Variants in SNX9 observed in about 807,000 individuals in gnomAD.
SNX9 encodes sorting nexin-9.
SNX9 carries 44 observed loss-of-function variants against 89.4 expected under a neutral mutation model. The observed-to-expected ratio is 0.49, with a 90% CI of 0.39 to 0.63. The LOEUF (loss-of-function observed/expected upper bound fraction) is 0.63, where lower values mean the gene tolerates loss of function less well. Ranked by LOEUF, SNX9 falls within the 30% of genes least tolerant of loss-of-function variation. The pLI is 0.00. For synonymous variants in SNX9, 236 were observed against 247.8 expected, an observed-to-expected ratio of 0.95 and a Z score of 0.45; for missense variants, 578 against 736.1, an observed-to-expected ratio of 0.79 and a Z score of 2.49.
chr6:157,875,310 G>A, intron 4 of SNX9, 134 bp downstream of exon 4: 1 of 1,239,472 alleles, frequency 8.1e-7, no homozygotes, highest in Non-Finnish European at 1.1e-6. Flanking sequence ...GTTGTTCTGT[G>A]GCATTTCTGT....
intron 1 of SNX9, among the ~76,000 whole-genome samples, chr6:157,846,041 G>C (rs1264563531): frequency 6.6e-6 from 1 of 152,218 alleles, no homozygotes; most frequent in Non-Finnish European, 1.5e-5. Context: ...TCTGGTGAGA[G>C]GCGCCCGTCC....
chr6:157,893,144 TAAAG>T (rs574049071), intron 4 of SNX9, among the ~76,000 whole-genome samples: 83 of 152,296 alleles, frequency 5.4e-4, no homozygotes, highest in Non-Finnish European at 1.0e-3. Context: ...TACATTTCCT[TAAAG>T]AAAACTGTAG....
rs768148493 is a variant in SNX9 at position 157,938,694 on chromosome 6, A to G, written c.1595A>G (p.Gln532Arg). The stretch of plus-strand genomic sequence containing the variant: ...GTTGCAACAAGTAAAATCACCCTAC[A>G]AGACAAACAGAACATGGTGAAGAGA... ...KLVATSKITL[Q>R]DKQNMVKRVS... Residue 532 changes from glutamine to arginine, a missense_variant, in exon 16 of 18, where the codon CAA (glutamine) becomes CGA (arginine). Gln to Arg is a conservative substitution (Grantham distance 43). This residue lies in a region of SNX9 where 348 missense variants were observed against 491.4 expected (regional missense o/e 0.71). Coordinates refer to ENST00000392185, the MANE Select transcript of SNX9 (RefSeq NM_016224.5). The G allele has an allele frequency of 1.2e-6, 2 of 1,614,164 alleles. No homozygotes were observed. Among genetic ancestry groups the G allele is most frequent in the East Asian group, 4.5e-5 (2 of 44,876 alleles).
intron 4 of SNX9, among the ~76,000 whole-genome samples, chr6:157,882,458 T>C (rs1782646749): frequency 6.6e-6 from 1 of 152,222 alleles, no homozygotes; most frequent in Non-Finnish European, 1.5e-5. Flanking sequence ...CTAAGTCCTA[T>C]AAGAAATACA....
At chr6:157,857,180 C>T (rs999063309) in intron 1 of SNX9, among the ~76,000 whole-genome samples, 8 of 152,076 alleles carry the variant, frequency 5.3e-5, no homozygotes, top group Non-Finnish European at 1.0e-4. Flanking sequence ...GGTCATTATC[C>T]CTATTGATGC....
intron 17 of SNX9, 124 bp from the exon 18 acceptor site, chr6:157,942,667 A>G (rs1784066458): frequency 7.6e-6 from 8 of 1,052,620 alleles, no homozygotes; most frequent in Non-Finnish European, 9.8e-6. Context: ...GCTGGTGCCA[A>G]AAAGACCAGT....
intron 1 of SNX9, among the ~76,000 whole-genome samples, chr6:157,830,753 A>G (rs1583188069): frequency 6.6e-6 from 1 of 152,190 alleles, no homozygotes; most frequent in Non-Finnish European, 1.5e-5. Context: ...TGGCTACTTT[A>G]TAGGTGAGTG....
intron 1 of SNX9, among the ~76,000 whole-genome samples, chr6:157,864,072 A>G (rs928533529): frequency 1.3e-5 from 2 of 152,192 alleles, no homozygotes; most frequent in South Asian, 4.1e-4. Context: ...TAACTTATAA[A>G]GAACAGAATT....
At chr6:157,873,893 A>G (rs893471753) in intron 3 of SNX9, among the ~76,000 whole-genome samples, 2 of 151,924 alleles carry the variant, frequency 1.3e-5, no homozygotes, top group South Asian at 2.1e-4. Flanking sequence ...TGCCTGGGAC[A>G]CCCCCAAGCT....
At chr6:157,914,170 TC>T (rs1219776462) in intron 9 of SNX9, among the ~76,000 whole-genome samples, 6 of 152,194 alleles carry the variant, frequency 3.9e-5, no homozygotes, top group Non-Finnish European at 8.8e-5. Context: ...TGTCAGTTTT[TC>T]CTCATTTTAA....
intron 1 of SNX9, chr6:157,829,362 C>A (rs1781440314): frequency 6.6e-6 from 1 of 152,068 alleles, no homozygotes; most frequent in Non-Finnish European, 1.5e-5. Context: ...GATCAGGGAG[C>A]CTAATTAAAA....
Position 157,885,099 on chromosome 6 carries a change from T to C in SNX9, c.300+9923T>C, listed in dbSNP as rs1042128087. ...TCTAAGCTAATACAAACATTATCCA[T>C]TTACCTTAAGTAAATTTTTAGTGTT... On this transcript the variant is annotated intron_variant, in intron 4 of 17. Transcript: ENST00000392185. 5.3e-5 allele frequency: 8 copies of C among 152,334 alleles called. No homozygotes were observed. The East Asian group carries it at 1.3e-3, about 26-fold the overall frequency. The allele number at this position is 152,334 out of a possible 1,614,324, so 9.4% of individuals were successfully genotyped here.
chr6:157,836,653 C>A, intron 1 of SNX9, among the ~76,000 whole-genome samples: 1 of 151,324 alleles, frequency 6.6e-6, no homozygotes, highest in East Asian at 1.9e-4. Flanking sequence ...TGCAGTGGCG[C>A]GATCTCAGCT....
chr6:157,924,215 A>G (rs148832512), intron 10 of SNX9, among the ~76,000 whole-genome samples: 1 of 152,074 alleles, frequency 6.6e-6, no homozygotes, highest in East Asian at 1.9e-4. Context: ...ATAAATATAT[A>G]TATGTATGTA....
At chr6:157,919,935 C>A (rs1783549969) in intron 9 of SNX9, among the ~76,000 whole-genome samples, 2 of 152,002 alleles carry the variant, frequency 1.3e-5, no homozygotes, top group African/African-American at 4.8e-5. Flanking sequence ...GTCTGTCTCC[C>A]TGGAAGTTCA....
At chr6:157,928,556 T>G in intron 11 of SNX9, 43 bp from the exon 12 acceptor site, 1 of 1,487,644 alleles carries the variant, frequency 6.7e-7, no homozygotes, top group Non-Finnish European at 9.2e-7. Flanking sequence ...ACAGCAGTGC[T>G]GTTTCTCCTG....
chr6:157,917,488 A>G lies in SNX9; in HGVS notation c.950-4043A>G, dbSNP rs546141240. Among the ~76,000 whole-genome samples, 8 of 152,150 alleles carry G rather than the reference A, an allele frequency of 5.3e-5. No individual in the cohort carries two copies. The South Asian group carries it at 8.3e-4, about 16-fold the overall frequency. On this transcript the variant is annotated intron_variant, in intron 9 of 17. Transcript: ENST00000392185. ...ATAAAGTCTACCTTATTGAGTTTTC[A>G]TGTTCATTCAGGTCAAAACATTTTC...
At chr6:157,918,412 T>C (rs1005371406) in intron 9 of SNX9, among the ~76,000 whole-genome samples, 6 of 152,192 alleles carry the variant, frequency 3.9e-5, no homozygotes, top group African/African-American at 1.4e-4. Flanking sequence ...AATATTAATA[T>C]AGCCACTCCA....
intron 1 of SNX9, among the ~76,000 whole-genome samples, chr6:157,825,849 G>A (rs1198251979): frequency 2.6e-5 from 4 of 152,126 alleles, no homozygotes; most frequent in Admixed American, 1.3e-4. Flanking sequence ...CACCTGAGTA[G>A]TTGTGTTTTT....
Sources: allele counts gnomAD v4.1 joint callset (sites outside exome capture counted in the v4.1 genomes callset), GRCh38; gene constraint gnomAD v4.1.1; regional missense constraint gnomAD v4.1.1; transcripts MANE v1.5; gene names NCBI Gene and HGNC (gene_info 2026-07-23, HGNC 2026-07-21).